WNK2: variants seen among roughly 807,000 people sequenced by gnomAD.
WNK2 encodes WNK lysine deficient protein kinase 2.
Under a neutral mutation model 192.1 loss-of-function variants are expected in WNK2, and 67 were observed. That is an observed-to-expected ratio of 0.35 (90% confidence interval 0.29 to 0.43). WNK2 has a LOEUF of 0.43. Among genes scored for constraint, WNK2 ranks in the 20% least tolerant of loss-of-function variants. The probability of loss-of-function intolerance (pLI) is 1.00; values close to 1 mark genes in which losing one functional copy is unlikely to be tolerated. For missense variants in WNK2, 2,698 were observed against 3,089.7 expected, an observed-to-expected ratio of 0.87 and a Z score of 3.01; for synonymous variants, 1,439 against 1,393.9, an observed-to-expected ratio of 1.03 and a Z score of -0.72.
At chr9:93,201,928 C>A (rs1175241548) in intron 2 of WNK2, among the ~76,000 whole-genome samples, 1 of 152,242 alleles carries the variant, frequency 6.6e-6, no homozygotes, top group East Asian at 1.9e-4. Flanking sequence ...CGCTCCCACT[C>A]ACTGCAGGCC....
At chr9:93,227,076 G>C (rs1014679872) in intron 2 of WNK2, among the ~76,000 whole-genome samples, 2 of 151,488 alleles carry the variant, frequency 1.3e-5, no homozygotes, top group Admixed American at 1.3e-4. Context: ...GCCAGGTGGG[G>C]CCCACTGTTC....
At chr9:93,272,029 TACCCTTCAAGAATG>T (rs1846069883) in intron 19 of WNK2, among the ~76,000 whole-genome samples, 1 of 152,128 alleles carries the variant, frequency 6.6e-6, no homozygotes, top group African/African-American at 2.4e-5. Flanking sequence ...CCAGGGAAAA[TACCCTTCAAGAATG>T]AAGCTGAAGT....
chr9:93,236,258 T>C (rs768896020), intron 5 of WNK2, among the ~76,000 whole-genome samples: 7 of 152,102 alleles, frequency 4.6e-5, no homozygotes, highest in Admixed American at 6.5e-5. Flanking sequence ...TGGTCTGTCC[T>C]GAAGCTGTCC....
intron 2 of WNK2, among the ~76,000 whole-genome samples, chr9:93,194,576 A>T (rs933636260): frequency 6.6e-6 from 1 of 152,240 alleles, no homozygotes; most frequent in African/African-American, 2.4e-5. Flanking sequence ...GAGGATGTGG[A>T]GTGACAGGAA....
chr9:93,316,589 C>T (rs767600809), intron 28 of WNK2: 4 of 152,324 alleles, frequency 2.6e-5, no homozygotes, highest in East Asian at 1.9e-4. Context: ...GGTTGACTTT[C>T]GTACCCCATA....
rs1017436292 is a variant in WNK2 at position 93,257,730 on chromosome 9, G to T, written c.2382+591G>T. ...CTCGGAGTTCCAAAGCCAGCCTGTG[G>T]CATTGCTGACTGCAGGAAAGCCCAG... On this transcript the variant is annotated intron_variant, in intron 11 of 29. Coordinates refer to ENST00000427277, the MANE Select transcript of WNK2 (RefSeq NM_006648.4). This position sits in a 1 kb window ranked among gnomAD's most constrained non-coding sequence, Gnocchi z 4.7. 6.6e-6 allele frequency among the ~76,000 whole-genome samples: 1 copy of T among 152,208 alleles called. No individual in the cohort carries two copies. Among genetic ancestry groups the T allele is most frequent in the Admixed American group, 6.5e-5 (1 of 15,286 alleles).
intron 8 of WNK2, among the ~76,000 whole-genome samples, chr9:93,248,817 G>A (rs1026637828): frequency 6.6e-6 from 1 of 152,214 alleles, no homozygotes; most frequent in African/African-American, 2.4e-5. Context: ...GAGGACTGAG[G>A]AACATGGCAT....
Position 93,267,826 on chromosome 9 carries a change from C to T in WNK2, c.3777C>T (p.Asp1259=), listed in dbSNP as rs762079562. The part of the protein sequence containing the change: ...QMKDVMDKAE[D]MLSEDTDADR... ...AGGATGTCATGGACAAGGCAGAGGA[C>T]ATGCTCAGCGAGGACACAGACGCCG... Residue 1259 remains aspartate, a synonymous_variant, in exon 17 of 30, where the codon GAC becomes GAT. Coordinates refer to ENST00000427277, the MANE Select transcript of WNK2 (RefSeq NM_006648.4). 6.2e-7 allele frequency: 1 copy of T among 1,612,570 alleles called. No individual in the cohort carries two copies. Among genetic ancestry groups the T allele is most frequent in the Non-Finnish European group, 8.5e-7 (1 of 1,179,544 alleles).
chr9:93,289,407 C>A lies in WNK2; in HGVS notation c.4653C>A (p.Ser1551Arg). 1 of 1,612,920 alleles carries A rather than the reference C, an allele frequency of 6.2e-7. No individual in the cohort carries two copies. The highest frequency in any genetic ancestry group is 1.1e-5 in the South Asian group (1 of 91,080). The change falls in exon 20 of 30, where the codon AGC becomes AGA. Residue 1551 changes from serine to arginine, a missense_variant. By Grantham distance (110) the Ser-to-Arg change is moderately radical. Coordinates refer to ENST00000427277, the MANE Select transcript of WNK2 (RefSeq NM_006648.4). ...GCTTTGTGGACAGCACCATCAAGAGCCTGGACGAGAAGCTGCGGACTCTGC... is the reference window on the plus strand; with the variant it reads ...GCTTTGTGGACAGCACCATCAAGAGACTGGACGAGAAGCTGCGGACTCTGC... Reference protein sequence around the residue: ...RVGFVDSTIKSLDEKLRTLLY... With the variant: ...RVGFVDSTIKRLDEKLRTLLY...
intron 2 of WNK2, among the ~76,000 whole-genome samples, chr9:93,221,699 T>C (rs1048139147): frequency 2.0e-5 from 3 of 152,236 alleles, no homozygotes; most frequent in African/African-American, 7.2e-5. Flanking sequence ...AGTCTTACGT[T>C]CGCAGGAAAC....
At chr9:93,200,715 C>T (rs890748142) in intron 2 of WNK2, among the ~76,000 whole-genome samples, 2 of 152,154 alleles carry the variant, frequency 1.3e-5, no homozygotes, top group African/African-American at 2.4e-5. Context: ...AGAGGTGAGA[C>T]GGCCACATGG....
chr9:93,204,652 T>C (rs1465509874), intron 2 of WNK2, among the ~76,000 whole-genome samples: 6 of 152,204 alleles, frequency 3.9e-5, no homozygotes, highest in Admixed American at 3.9e-4. Flanking sequence ...TGTGACAGGA[T>C]GGGACAGAGT....
At chr9:93,194,530 T>C (rs548424217) in intron 2 of WNK2, among the ~76,000 whole-genome samples, 27 of 152,202 alleles carry the variant, frequency 1.8e-4, no homozygotes, top group Admixed American at 6.5e-5. Flanking sequence ...CCTACTAGAA[T>C]GGTCAAAATC....
In WNK2 at chr9:93,256,399, C is replaced by T. The variant is rs972420207; in HGVS notation, c.2135C>T (p.Pro712Leu). The change falls in exon 10 of 30, where the codon CCG becomes CTG. Residue 712 changes from proline to leucine, a missense_variant. Physicochemically the swap from Pro to Leu is moderately conservative, Grantham distance 98. Transcript: ENST00000427277. ...ATGAGCTTCGCCCCCGTGCTGCCGC[C>T]GCCCAGCACCCCCATGCCCACGGGC... ...PAMSFAPVLP[P>L]PSTPMPTGPG... The T allele has an allele frequency of 1.9e-5, 29 of 1,549,816 alleles. No individual in the cohort carries two copies. The highest frequency in any genetic ancestry group is 1.1e-4 in the African/African-American group (8 of 73,366).
At chr9:93,194,636 G>A (rs367726252) in intron 2 of WNK2, among the ~76,000 whole-genome samples, 3 of 152,194 alleles carry the variant, frequency 2.0e-5, no homozygotes, top group South Asian at 4.1e-4. Context: ...TATTTTGGAA[G>A]GTCTTTTGGT....
Position 93,281,530 on chromosome 9 carries a change from A to G in WNK2, c.4034-7258A>G, listed in dbSNP as rs539666145. ...ATGAAAACAGTAGAAAATAGAAAAG[A>G]GGTGCTAAGAAATATAGAGATTACA... On this transcript the variant is annotated intron_variant, in intron 19 of 29. Coordinates refer to ENST00000427277, the MANE Select transcript of WNK2 (RefSeq NM_006648.4). 2.0e-5 allele frequency among the ~76,000 whole-genome samples: 3 copies of G among 152,288 alleles called. No individual in the cohort carries two copies. The South Asian group carries it at 6.2e-4, about 32-fold the overall frequency.
At chr9:93,278,908 A>G (rs1847324983) in intron 19 of WNK2, among the ~76,000 whole-genome samples, 1 of 152,268 alleles carries the variant, frequency 6.6e-6, no homozygotes, top group South Asian at 2.1e-4. Flanking sequence ...CAATAAATGT[A>G]GAAAAAGCGG....
chr9:93,246,199 A>G (rs1841651970), intron 7 of WNK2, among the ~76,000 whole-genome samples: 1 of 152,116 alleles, frequency 6.6e-6, no homozygotes, highest in Admixed American at 6.5e-5. Flanking sequence ...TGCCAGCGGG[A>G]GGCCCTCAGC....
chr9:93,285,783 G>A (rs1848363809), intron 19 of WNK2, among the ~76,000 whole-genome samples: 1 of 152,160 alleles, frequency 6.6e-6, no homozygotes, highest in Non-Finnish European at 1.5e-5. Context: ...CAGATGTTGT[G>A]ACTCATATAA....
Sources: allele counts gnomAD v4.1 joint callset (sites outside exome capture counted in the v4.1 genomes callset), GRCh38; gene constraint gnomAD v4.1.1; non-coding constraint Gnocchi (gnomAD v3.1); transcripts MANE v1.5; gene names NCBI Gene and HGNC (gene_info 2026-07-23, HGNC 2026-07-21).